SPAG17: variants seen among roughly 807,000 people sequenced by gnomAD.
The protein encoded by SPAG17 is sperm associated antigen 17.
Under a neutral mutation model 273.6 loss-of-function variants are expected in SPAG17, and 169 were observed. The ratio of observed to expected loss-of-function variants is 0.62; its 90% CI spans 0.55 to 0.70. The LOEUF is 0.70. Among genes scored for constraint, SPAG17 ranks in the 30% least tolerant of loss-of-function variants. SPAG17 has a pLI of 0.00. For missense variants in SPAG17, 2,557 were observed against 2,627.8 expected (o/e 0.97, Z 0.59); for synonymous variants, 825 against 873.2 (o/e 0.94, Z 0.97).
At chr1:118,122,237 T>A (rs1330031724) in intron 3 of SPAG17, among the ~76,000 whole-genome samples, 1 of 152,100 alleles carries the variant, frequency 6.6e-6, no homozygotes, top group African/African-American at 2.4e-5. Context: ...ATTCTGCACA[T>A]TTGATGAAAA....
intron 20 of SPAG17, among the ~76,000 whole-genome samples, chr1:118,049,231 C>T (rs1650720014): frequency 6.6e-6 from 1 of 152,160 alleles, no homozygotes; most frequent in Admixed American, 6.5e-5. Flanking sequence ...ATGAGGCCAA[C>T]ATTACCCTGA....
intron 41 of SPAG17, 53 bp from the exon 42 acceptor site, chr1:117,983,966 G>T: frequency 1.2e-6 from 1 of 863,198 alleles, no homozygotes. Flanking sequence ...AAATTCAACT[G>T]TCGCAAATAT....
chr1:117,973,276 A>C, intron 44 of SPAG17, 149 bp downstream of exon 44: 1 of 898,084 alleles, frequency 1.1e-6, no homozygotes, highest in Non-Finnish European at 1.7e-6. Flanking sequence ...TACGGTCAAT[A>C]GCAGTACACA....
chr1:118,045,520 T>C (rs1650257167), intron 20 of SPAG17, among the ~76,000 whole-genome samples: 1 of 152,220 alleles, frequency 6.6e-6, no homozygotes, highest in African/African-American at 2.4e-5. Context: ...CCTTGCTGCA[T>C]TTACCACTTT....
intron 3 of SPAG17, among the ~76,000 whole-genome samples, chr1:118,136,862 C>A (rs1014060302): frequency 1.3e-5 from 2 of 150,968 alleles, no homozygotes; most frequent in African/African-American, 4.9e-5. Context: ...ATGAAATGAA[C>A]CTCCATAGGA....
Position 118,055,843 on chromosome 1 carries a change from G to T in SPAG17, c.2612C>A (p.Ser871Tyr), listed in dbSNP as rs575588054. ...CCTGATGATTTTCTCATTCATTTTA[G>T]ATTCCTGATATATAGCTTCTTCTTT... ...ITKEEAIYQE[S>Y]KMNEKIIRTR... Residue 871 changes from serine to tyrosine, a missense_variant, in exon 19 of 49, where the codon TCT becomes TAT. Transcript: ENST00000336338. 4.3e-6 allele frequency: 7 copies of T among 1,612,846 alleles called. No individual in the cohort carries two copies. The highest frequency in any genetic ancestry group is 4.5e-5 in the East Asian group (2 of 44,762).
chr1:118,037,932 T>C (rs775228877), intron 23 of SPAG17, among the ~76,000 whole-genome samples: 1 of 152,164 alleles, frequency 6.6e-6, no homozygotes, highest in African/African-American at 2.4e-5. Flanking sequence ...GCAAAGATAA[T>C]TTTTAGACTG....
At chr1:118,130,086 G>T (rs1215125592) in intron 3 of SPAG17, among the ~76,000 whole-genome samples, 1 of 151,962 alleles carries the variant, frequency 6.6e-6, no homozygotes, top group Non-Finnish European at 1.5e-5. Context: ...CTTATAAAAG[G>T]GCTTATTCCT....
chr1:117,973,711 T>C, intron 43 of SPAG17, 150 bp from the exon 44 acceptor site: 1 of 727,854 alleles, frequency 1.4e-6, no homozygotes, highest in Non-Finnish European at 2.0e-6. Flanking sequence ...TATTTTAATT[T>C]CAATTTTTCT....
At chr1:118,150,724 G>T in intron 2 of SPAG17, 95 bp from the exon 3 acceptor site, 1 of 668,174 alleles carries the variant, frequency 1.5e-6, no homozygotes, top group Non-Finnish European at 2.5e-6. Context: ...GATCTGAAGG[G>T]TTGGGGAACC....
At chr1:118,029,531 T>C (rs1157128971) in intron 25 of SPAG17, among the ~76,000 whole-genome samples, 2 of 152,210 alleles carry the variant, frequency 1.3e-5, no homozygotes, top group East Asian at 3.8e-4. Context: ...ACATACTGCT[T>C]TTGTAGCAAA....
rs1652611316 is a variant in SPAG17, at chr1:117,958,851, AAGGGTTAAGT to A, written c.*1-4812_*1-4803del. ...TATTGTGTCTGTTTACTGTTTCTAG[AAGGGTTAAGT>A]AGGGCTAGAACCTCTCTGCAACATG... On this transcript the variant is annotated intron_variant, in intron 48 of 48. Coordinates refer to ENST00000336338, the MANE Select transcript of SPAG17 (RefSeq NM_206996.4). The A allele has an allele frequency of 1.0e-5, 13 of 1,278,262 alleles. No individual in the cohort carries two copies. The East Asian group carries it at 1.2e-4, about 12-fold the overall frequency. 79.2% of individuals were successfully genotyped at this position (1,278,262 alleles called of 1,614,324 possible).
chr1:118,039,196 A>G, intron 23 of SPAG17, 96 bp downstream of exon 23: 1 of 1,348,838 alleles, frequency 7.4e-7, no homozygotes, highest in Non-Finnish European at 1.0e-6. Flanking sequence ...GAAACTTGAG[A>G]AAAAGAACAT....
At chr1:118,042,150 C>T (rs1446579333) in intron 20 of SPAG17, 108 bp from the exon 21 acceptor site, 1 of 1,325,960 alleles carries the variant, frequency 7.5e-7, no homozygotes, top group Non-Finnish European at 1.0e-6. Flanking sequence ...TAGTGTATCT[C>T]TGACAAATCA....
intron 23 of SPAG17, 54 bp from the exon 24 acceptor site, chr1:118,036,937 A>G: frequency 7.9e-7 from 1 of 1,273,484 alleles, no homozygotes; most frequent in Non-Finnish European, 1.1e-6. Flanking sequence ...AATAAATATA[A>G]CTAAGACTCA....
In SPAG17 at chr1:117,963,819, G is replaced by T; in HGVS notation, c.6652C>A (p.Arg2218Ser). Residue 2218 changes from arginine (R) to serine (S), a missense_variant, in exon 48 of 49, where the codon CGT becomes AGT. Arg to Ser is a moderately radical substitution (Grantham distance 110, BLOSUM62 -1). Coordinates refer to ENST00000336338, the MANE Select transcript of SPAG17 (RefSeq NM_206996.4). ...YSSTLGVFMS[R>S]KVSPH is the part of the protein sequence containing the mutation. ...TGTACCTAATGTGGAGAAACTTTAC[G>T]AGACATGAAGACTCCAAGTGTGGAG... is the stretch of plus-strand genomic sequence containing the variant. 6.2e-7 allele frequency: 1 copy of T among 1,612,640 alleles called. No individual in the cohort carries two copies. The highest frequency in any genetic ancestry group is 8.5e-7 in the Non-Finnish European group (1 of 1,179,246).
intron 3 of SPAG17, among the ~76,000 whole-genome samples, chr1:118,136,820 T>C (rs985877946): frequency 3.3e-5 from 5 of 151,946 alleles, no homozygotes; most frequent in Admixed American, 6.6e-5. Context: ...TGTGTGTGTG[T>C]GTGTGTGTGT....
intron 4 of SPAG17, among the ~76,000 whole-genome samples, chr1:118,103,488 CA>C (rs1215758628): frequency 2.0e-5 from 3 of 152,096 alleles, no homozygotes; most frequent in Non-Finnish European, 4.4e-5. Context: ...AGGTATCACT[CA>C]CAAACACTGG....
chr1:118,040,620 G>C, intron 22 of SPAG17, 110 bp downstream of exon 22: 3 of 701,764 alleles, frequency 4.3e-6, no homozygotes, highest in Non-Finnish European at 5.0e-6. Flanking sequence ...AATGTATTGT[G>C]GGGGACAGAA....
Sources: allele counts gnomAD v4.1 joint callset (sites outside exome capture counted in the v4.1 genomes callset), GRCh38; gene constraint gnomAD v4.1.1; transcripts MANE v1.5; gene names NCBI Gene and HGNC (gene_info 2026-07-23, HGNC 2026-07-21).